GRHL3: variants seen among roughly 807,000 people sequenced by gnomAD.
The protein encoded by GRHL3 is grainyhead like transcription factor 3.
In GRHL3, 20 loss-of-function variants were observed where a neutral mutation model predicts 70.3. That is an observed-to-expected ratio of 0.28 (90% confidence interval 0.20 to 0.41). GRHL3 has a LOEUF of 0.41. Ranked by LOEUF, GRHL3 falls within the 10% of genes least tolerant of loss-of-function variation. The pLI, the probability that GRHL3 is intolerant of heterozygous loss-of-function variation, is 1.00. For synonymous variants in GRHL3, 299 were observed against 299.9 expected, an observed-to-expected ratio of 1.00 and a Z score of 0.03; for missense variants, 637 against 762.3, an observed-to-expected ratio of 0.84 and a Z score of 1.94.
Position 24,337,675 on chromosome 1 carries a change from C to T in GRHL3, c.726C>T (p.His242=). ...EYTLGSPKAI[H]IKSGESPMAY... ...CCCTGGGCTCCCCCAAAGCCATCCA[C>T]ATCAAGTCAGGCGAGTCACCCATGG... Residue 242 remains histidine, a synonymous_variant, in exon 6 of 16, where the codon CAC becomes CAT. Coordinates refer to ENST00000361548, the MANE Select transcript of GRHL3 (RefSeq NM_198173.3). The T allele has an allele frequency of 6.2e-7, 1 of 1,614,236 alleles. No homozygotes were observed. The highest frequency in any genetic ancestry group is 2.2e-5 in the East Asian group (1 of 44,874).
At chr1:24,341,507 CCTGCTCAGAGCAT>C (rs373860802) in intron 8 of GRHL3, among the ~76,000 whole-genome samples, 2 of 152,180 alleles carry the variant, frequency 1.3e-5, no homozygotes, top group Admixed American at 1.3e-4. Flanking sequence ...CAATTATAGC[CCTGCTCAGAGCAT>C]CTGTTTCCCC....
chr1:24,364,209 C>T (rs1054623536), exon 16 of GRHL3: 4 of 1,540,262 alleles, frequency 2.6e-6, no homozygotes, highest in Non-Finnish European at 3.5e-6. Flanking sequence ...TCCACCCACG[C>T]CTGTCTCGCC....
downstream of GRHL3, among the ~76,000 whole-genome samples, chr1:24,356,801 C>CACTT (rs1443809192): frequency 6.6e-6 from 1 of 152,234 alleles, no homozygotes; most frequent in Non-Finnish European, 1.5e-5. Flanking sequence ...TGCTTCTCTC[C>CACTT]ACTTAAATAT....
chr1:24,342,059 C>T lies in GRHL3; in HGVS notation c.1048-56C>T, dbSNP rs955984547. The stretch of plus-strand genomic sequence containing the variant: ...CTAGAAATACAGGATCACTGTGGGA[C>T]GGTGGGGCTGGCCACCTGGGCAGGC... On this transcript the variant is annotated intron_variant, in intron 8 of 15. Coordinates refer to ENST00000361548, the MANE Select transcript of GRHL3 (RefSeq NM_198173.3). This position sits in a 1 kb window ranked among gnomAD's most constrained non-coding sequence, Gnocchi z 4.8. 1.2e-5 allele frequency: 18 copies of T among 1,484,370 alleles called. No individual in the cohort carries two copies. Among genetic ancestry groups the T allele is most frequent in the Admixed American group, 2.0e-5 (1 of 48,944 alleles). The allele number at this position is 1,484,370 out of a possible 1,614,324, so 91.9% of individuals were successfully genotyped here.
At chr1:24,320,081 TC>T (rs1639122932) in intron 1 of GRHL3, 1 of 161,038 alleles carries the variant, frequency 6.2e-6, no homozygotes, top group African/African-American at 2.4e-5. Flanking sequence ...TGACCTAAGT[TC>T]AAATCCAGGC....
chr1:24,364,343 G>A, exon 16 of GRHL3: 1 of 1,547,660 alleles, frequency 6.5e-7, no homozygotes, highest in Non-Finnish European at 8.7e-7. Flanking sequence ...ACCGTCAACA[G>A]CCTGCACTTC....
chr1:24,359,424 T>C (rs1640945656), downstream of GRHL3, among the ~76,000 whole-genome samples: 1 of 152,230 alleles, frequency 6.6e-6, no homozygotes, highest in South Asian at 2.1e-4. This position sits in a 1 kb window ranked among gnomAD's most constrained non-coding sequence, Gnocchi z 5.3. Flanking sequence ...AGCATTTGCA[T>C]GTTTGCAATG....
chr1:24,346,222 G>T (rs1371570130), intron 12 of GRHL3, among the ~76,000 whole-genome samples: 2 of 151,932 alleles, frequency 1.3e-5, no homozygotes, highest in African/African-American at 4.8e-5. Flanking sequence ...GCGTCACAGT[G>T]TTCTAAGCGC....
intron 12 of GRHL3, among the ~76,000 whole-genome samples, chr1:24,345,943 C>A (rs771764078): frequency 6.6e-6 from 1 of 152,174 alleles, no homozygotes; most frequent in Admixed American, 6.5e-5. Context: ...GCTTTCACCC[C>A]AAATTATGTC....
intron 2 of GRHL3, among the ~76,000 whole-genome samples, chr1:24,332,776 G>T (rs747405567): frequency 2.0e-5 from 3 of 152,204 alleles, no homozygotes; most frequent in Middle Eastern, 3.2e-3. Flanking sequence ...TCTACCTCAA[G>T]AATAAAGGCA....
At chr1:24,345,279 TCCA>T (rs1398878418) in intron 12 of GRHL3, among the ~76,000 whole-genome samples, 36 of 85,248 alleles carry the variant, frequency 4.2e-4, no homozygotes, top group Non-Finnish European at 7.4e-4. Context: ...CCTGTGCCCC[TCCA>T]CACCTGTGCC....
intron 8 of GRHL3, among the ~76,000 whole-genome samples, chr1:24,340,467 G>A (rs1639993249): frequency 6.6e-6 from 1 of 152,228 alleles, no homozygotes. Flanking sequence ...CAGCCTTAGT[G>A]CTTGAGCCCA....
At chr1:24,331,676 A>G in intron 2 of GRHL3, 64 bp downstream of exon 2, 2 of 1,446,734 alleles carry the variant, frequency 1.4e-6, no homozygotes. Context: ...TTCAGGCCTC[A>G]TGGCTCAGCA....
At chr1:24,345,188 G>A (rs554491285) in intron 12 of GRHL3, among the ~76,000 whole-genome samples, 1 of 21,526 alleles carries the variant, frequency 4.6e-5, no homozygotes, top group African/African-American at 2.1e-4. Flanking sequence ...CTCTACACCT[G>A]TGCCCCCTCT....
Position 24,342,679 on chromosome 1 carries a change from C to A in GRHL3, c.1207-15C>A, listed in dbSNP as rs769471171. ...TCCCAGGCCCTTGGTGACCCTCTCT[C>A]CTTCTCCCCTGCAGGGAGCTGAGAG... On this transcript the variant is annotated splice_polypyrimidine_tract_variant and intron_variant, in intron 9 of 15. Transcript: ENST00000361548. This position sits in a 1 kb window ranked among gnomAD's most constrained non-coding sequence, Gnocchi z 4.8. 2 of 1,613,512 alleles carry A rather than the reference C, an allele frequency of 1.2e-6. No homozygotes were observed. Among genetic ancestry groups the A allele is most frequent in the South Asian group, 2.2e-5 (2 of 91,074 alleles).
At position 24,338,350 on chromosome 1, in the gene GRHL3, G is replaced by A. The variant is rs144932024; in HGVS notation, c.952+247G>A. 2.2e-3 allele frequency among the ~76,000 whole-genome samples: 337 copies of A among 152,352 alleles called. 3 individuals carry two copies. The highest frequency in any genetic ancestry group is 7.9e-3 in the African/African-American group (327 of 41,572). On this transcript the variant is annotated intron_variant, in intron 7 of 15. Coordinates refer to ENST00000361548, the MANE Select transcript of GRHL3 (RefSeq NM_198173.3). ...TGTGAGATAAATAGGCTCCTGCGAT[G>A]CTGGCCTGTTTGTCTCCATCAGGAG...
chr1:24,320,335 T>C (rs941977464), intron 1 of GRHL3, among the ~76,000 whole-genome samples: 4 of 152,216 alleles, frequency 2.6e-5, no homozygotes, highest in African/African-American at 9.6e-5. Flanking sequence ...GTCACCTCTT[T>C]TGGCTGGGAG....
chr1:24,338,187 T>G, intron 7 of GRHL3, 84 bp downstream of exon 7: 1 of 888,486 alleles, frequency 1.1e-6, no homozygotes, highest in Non-Finnish European at 1.7e-6. Context: ...TACTCACCCC[T>G]GTTTCCCTAC....
intron 11 of GRHL3, chr1:24,343,411 C>T (rs1640127265): frequency 4.7e-6 from 1 of 210,614 alleles, no homozygotes; most frequent in Non-Finnish European, 9.8e-6. Context: ...CCCTTCTCTA[C>T]AGCCCTGGGA....
Sources: gnomAD v4.1 joint callset for allele counts (sites outside exome capture counted in the v4.1 genomes callset) on GRCh38, gnomAD v4.1.1 for gene constraint, Gnocchi (gnomAD v3.1) non-coding constraint, MANE v1.5 for transcripts, NCBI Gene and HGNC (gene_info 2026-07-23, HGNC 2026-07-21) for gene names.